Variants in LBP observed in about 807,000 individuals in gnomAD.
The protein encoded by LBP is lipopolysaccharide-binding protein.
LBP carries 53 observed loss-of-function variants against 56.6 expected under a neutral mutation model. The ratio of observed to expected loss-of-function variants is 0.94; its 90% CI spans 0.75 to 1.18. LBP has a LOEUF of 1.18. Among genes scored for constraint, LBP ranks in the 50% most tolerant of loss-of-function variants. The probability of loss-of-function intolerance (pLI) is 0.00; values close to 1 mark genes in which losing one functional copy is unlikely to be tolerated. For synonymous variants in LBP, 227 were observed against 247.5 expected (o/e 0.92, Z 0.78); for missense variants, 601 against 598.3 (o/e 1.00, Z -0.05).
In LBP at chr20:38,360,687, C is replaced by T; in HGVS notation, c.589-17C>T. Reference sequence around the variant, plus strand: ...GCTGGGGAACTCACTCAGTCATTCTCTTCCCATGTTTTTCAGATTTGCGAA... The same window carrying T: ...GCTGGGGAACTCACTCAGTCATTCTTTTCCCATGTTTTTCAGATTTGCGAA... On this transcript the variant is annotated splice_polypyrimidine_tract_variant and intron_variant, in intron 5 of 14. Coordinates refer to ENST00000217407, the MANE Select transcript of LBP (RefSeq NM_004139.5). 2 of 1,597,538 alleles carry T rather than the reference C, an allele frequency of 1.3e-6. No homozygotes were observed. Among genetic ancestry groups the T allele is most frequent in the Non-Finnish European group, 1.7e-6 (2 of 1,165,168 alleles).
intron 2 of LBP, among the ~76,000 whole-genome samples, chr20:38,350,444 A>C (rs1326247526): frequency 6.6e-6 from 1 of 152,192 alleles, no homozygotes; most frequent in African/African-American, 2.4e-5. Flanking sequence ...GAGGGTTAGC[A>C]GGAACTGCAA....
At chr20:38,365,542 C>G (rs2076877536) in intron 8 of LBP, among the ~76,000 whole-genome samples, 1 of 151,322 alleles carries the variant, frequency 6.6e-6, no homozygotes, top group South Asian at 2.1e-4. Flanking sequence ...ACTAAAAATA[C>G]AAAAATTAGC....
At chr20:38,369,666 C>T (rs2076894705) in intron 10 of LBP, among the ~76,000 whole-genome samples, 1 of 152,160 alleles carries the variant, frequency 6.6e-6, no homozygotes, top group Non-Finnish European at 1.5e-5. Flanking sequence ...CTGGCTGTGA[C>T]TATGTCTCCT....
intron 3 of LBP, among the ~76,000 whole-genome samples, chr20:38,352,052 A>T (rs1267241389): frequency 6.6e-6 from 1 of 151,744 alleles, no homozygotes; most frequent in Non-Finnish European, 1.5e-5. Flanking sequence ...AAAAAAAAAA[A>T]AGAAAAAAGA....
chr20:38,363,795 T>C (rs962583369), intron 6 of LBP, among the ~76,000 whole-genome samples, 180 bp from the exon 7 acceptor site: 3 of 152,122 alleles, frequency 2.0e-5, no homozygotes, highest in Non-Finnish European at 4.4e-5. Context: ...CATTGTTAAC[T>C]CATCCAAGGG....
intron 13 of LBP, among the ~76,000 whole-genome samples, 196 bp downstream of exon 13, chr20:38,373,331 G>T (rs1007702266): frequency 5.9e-5 from 9 of 152,166 alleles, no homozygotes; most frequent in African/African-American, 2.2e-4. Flanking sequence ...TCTAATGAGG[G>T]TTGGGGGCTG....
intron 3 of LBP, 149 bp downstream of exon 3, chr20:38,351,088 T>C: frequency 2.1e-6 from 2 of 965,496 alleles, no homozygotes. Context: ...GATTGAGTCC[T>C]GGCTCTTGGA....
rs114181807 is a variant in LBP at position 38,376,206 on chromosome 20, C to T, written c.1402-419C>T. Among the ~76,000 whole-genome samples, 1,153 of 152,142 alleles carry T rather than the reference C, an allele frequency of 7.6e-3. 13 individuals carry two copies. The highest frequency in any genetic ancestry group is 0.027 in the African/African-American group (1,109 of 41,494). On this transcript the variant is annotated intron_variant, in intron 14 of 14. Coordinates refer to ENST00000217407, the MANE Select transcript of LBP (RefSeq NM_004139.5). ...GGTCAACTCTGCCCATGTGTCTAAC[C>T]GTCTAAAACAAAGGATGGATCACTG...
rs370422056 is a variant in LBP at position 38,363,983 on chromosome 20, G to C, written c.661G>C (p.Glu221Gln). The C allele has an allele frequency of 2.1e-5, 34 of 1,613,036 alleles. No individual in the cohort carries two copies. The highest frequency in any genetic ancestry group is 2.5e-6 in the Non-Finnish European group (3 of 1,179,100). The change falls in exon 7 of 15, where the codon GAG becomes CAG. Residue 221 changes from glutamate to glutamine, a missense_variant. Transcript: ENST00000217407. ...CCTGTCCTCATTCACAGTTACAACA[G>C]AGATTGACAGTTTCGCCGACATTGA... ...PYLQTLPVTTEIDSFADIDYS... is the reference protein window; with the variant it reads ...PYLQTLPVTTQIDSFADIDYS...
chr20:38,358,303 T>G (rs1038530348), intron 5 of LBP, among the ~76,000 whole-genome samples: 6 of 152,122 alleles, frequency 3.9e-5, no homozygotes, highest in Non-Finnish European at 7.4e-5. Context: ...GAATCCAAAT[T>G]TACCTGGCTT....
intron 12 of LBP, 85 bp from the exon 13 acceptor site, chr20:38,372,987 C>G: frequency 8.5e-7 from 1 of 1,171,040 alleles, no homozygotes. Flanking sequence ...GTTTGCTTTT[C>G]CCAAGCGTTT....
In LBP at chr20:38,363,557, C is replaced by T. The variant is rs1270200185; in HGVS notation, c.653-418C>T. ...CATCACCTTTACCAGAGGTCCAGGT[C>T]GGCAACCCGGTACTGGGACTTGGAA... On this transcript the variant is annotated intron_variant, in intron 6 of 14. Coordinates refer to ENST00000217407, the MANE Select transcript of LBP (RefSeq NM_004139.5). Among the ~76,000 whole-genome samples, 8 of 152,152 alleles carry T rather than the reference C, an allele frequency of 5.3e-5. No homozygotes were observed. In the East Asian group the frequency reaches 1.3e-3, roughly 26 times the overall value.
At chr20:38,375,451 C>T (rs1192108035) in intron 14 of LBP, among the ~76,000 whole-genome samples, 3 of 151,648 alleles carry the variant, frequency 2.0e-5, no homozygotes, top group Non-Finnish European at 4.4e-5. Flanking sequence ...CATGGTGGTG[C>T]GCACCTGTAA....
chr20:38,364,965 T>G (rs2122616405), intron 8 of LBP, among the ~76,000 whole-genome samples: 1 of 152,328 alleles, frequency 6.6e-6, no homozygotes, highest in Non-Finnish European at 1.5e-5. Flanking sequence ...CTGGGTGTGG[T>G]GGCTCACGCC....
chr20:38,365,742 A>ATATT (rs1555845116), intron 8 of LBP, among the ~76,000 whole-genome samples: 7 of 144,462 alleles, frequency 4.8e-5, no homozygotes, highest in Non-Finnish European at 6.1e-5. Flanking sequence ...ATATATATAT[A>ATATT]TATTTATATG....
intron 14 of LBP, among the ~76,000 whole-genome samples, chr20:38,374,380 C>G (rs2076910735): frequency 6.6e-6 from 1 of 152,006 alleles, no homozygotes; most frequent in Admixed American, 6.6e-5. Context: ...GGGCAGATCA[C>G]GAGGTCAGGA....
intron 8 of LBP, among the ~76,000 whole-genome samples, chr20:38,365,369 T>C (rs923862034): frequency 2.0e-5 from 3 of 152,040 alleles, no homozygotes; most frequent in African/African-American, 7.2e-5. Context: ...TTTTCTCTCA[T>C]CCTGATGATT....
At chr20:38,351,572 C>T (rs2076820635) in intron 3 of LBP, among the ~76,000 whole-genome samples, 1 of 152,190 alleles carries the variant, frequency 6.6e-6, no homozygotes, top group South Asian at 2.1e-4. Flanking sequence ...GACTGGGTGG[C>T]TTAAGCAGAA....
chr20:38,352,232 C>T (rs1193023916), intron 3 of LBP, among the ~76,000 whole-genome samples: 1 of 152,132 alleles, frequency 6.6e-6, no homozygotes, highest in Non-Finnish European at 1.5e-5. Context: ...AGAGCTTCAA[C>T]ATCTGAATTT....
Sources: allele counts gnomAD v4.1 joint callset (sites outside exome capture counted in the v4.1 genomes callset), GRCh38; gene constraint gnomAD v4.1.1; transcripts MANE v1.5; gene names NCBI Gene and HGNC (gene_info 2026-07-23, HGNC 2026-07-21).